Variants in RFX3 observed in about 807,000 individuals in gnomAD.
RFX3 encodes the protein regulatory factor X3, also known as transcription factor RFX3.
RFX3 carries 14 observed loss-of-function variants against 98.6 expected under a neutral mutation model. The observed-to-expected ratio is 0.14, with a 90% CI of 0.09 to 0.22. The LOEUF is 0.22. Ranked by LOEUF, RFX3 falls within the 10% of genes least tolerant of loss-of-function variation. The pLI is 1.00. For missense variants in RFX3, 639 were observed against 926.9 expected (o/e 0.69, Z 4.03); for synonymous variants, 383 against 328.4 (o/e 1.17, Z -1.80).
chr9:3,494,689 A>G (rs1365201489), intron 1 of RFX3, among the ~76,000 whole-genome samples: 1 of 152,212 alleles, frequency 6.6e-6, no homozygotes, highest in Non-Finnish European at 1.5e-5. Flanking sequence ...TAAATTATAA[A>G]ATAATCTAAA....
chr9:3,384,493 C>G (rs1342169031), intron 2 of RFX3, among the ~76,000 whole-genome samples: 1 of 152,068 alleles, frequency 6.6e-6, no homozygotes, highest in Non-Finnish European at 1.5e-5. Flanking sequence ...GTTTCCTCGC[C>G]CATAAAAGGC....
intron 4 of RFX3, among the ~76,000 whole-genome samples, chr9:3,325,008 G>A (rs1181277240): frequency 6.6e-6 from 1 of 151,860 alleles, no homozygotes; most frequent in Non-Finnish European, 1.5e-5. Context: ...GAGAGAACTT[G>A]GTAATACTGG....
chr9:3,290,274 A>G (rs1429297255), intron 6 of RFX3, among the ~76,000 whole-genome samples: 14 of 152,142 alleles, frequency 9.2e-5, no homozygotes, highest in Admixed American at 8.5e-4. Context: ...AGAACATCAG[A>G]AAGTAAAAGC....
At chr9:3,235,329 G>A (rs1818994227) in intron 15 of RFX3, among the ~76,000 whole-genome samples, 1 of 152,196 alleles carries the variant, frequency 6.6e-6, no homozygotes. Flanking sequence ...AGAAAGGACA[G>A]TACGATGTGT....
At chr9:3,239,220 T>C (rs1819590041) in intron 15 of RFX3, among the ~76,000 whole-genome samples, 1 of 152,222 alleles carries the variant, frequency 6.6e-6, no homozygotes, top group Non-Finnish European at 1.5e-5. Context: ...AGGAAAAGGT[T>C]GCTGACTTTA....
At chr9:3,482,808 C>T (rs1849902815) in intron 1 of RFX3, among the ~76,000 whole-genome samples, 2 of 151,986 alleles carry the variant, frequency 1.3e-5, no homozygotes, top group African/African-American at 4.8e-5. Flanking sequence ...TATTATATGT[C>T]TTTGAATAAC....
Position 3,226,809 on chromosome 9 carries a change from C to A in RFX3, c.2012-1529G>T, listed in dbSNP as rs112271939. ...GTTTTTATACATAAAACAACAATGT[C>A]TGTAAGGATCTTAACACAAACTCTT... On this transcript the variant is annotated intron_variant, in intron 16 of 16. Transcript: ENST00000617270. Among the ~76,000 whole-genome samples the A allele has an allele frequency of 9.9e-3, 1,508 of 152,244 alleles. 9 individuals carry two copies. The highest frequency in any genetic ancestry group is 0.014 in the African/African-American group (590 of 41,554).
chr9:3,228,330 G>T (rs1259057011), intron 16 of RFX3, among the ~76,000 whole-genome samples: 1 of 152,046 alleles, frequency 6.6e-6, no homozygotes, highest in South Asian at 2.1e-4. Flanking sequence ...ATATTAGAGT[G>T]GCAATGCTGA....
intron 1 of RFX3, among the ~76,000 whole-genome samples, chr9:3,497,676 C>T (rs1429604704): frequency 1.3e-5 from 2 of 151,514 alleles, no homozygotes; most frequent in Admixed American, 1.3e-4. Context: ...ACCACTTAAT[C>T]ACTGACAAAC....
intron 14 of RFX3, among the ~76,000 whole-genome samples, chr9:3,254,954 G>T (rs113586979): frequency 6.6e-6 from 1 of 152,108 alleles, no homozygotes; most frequent in African/African-American, 2.4e-5. Context: ...AATTATGTGG[G>T]CTAAAGGTGT....
At chr9:3,286,840 T>A (rs2131566249) in intron 7 of RFX3, among the ~76,000 whole-genome samples, 1 of 152,006 alleles carries the variant, frequency 6.6e-6, no homozygotes, top group South Asian at 2.1e-4. Context: ...ACCACAGACA[T>A]CATGGACTTC....
At chr9:3,288,104 C>A (rs1563865040) in intron 7 of RFX3, 27 bp downstream of exon 7, 4 of 1,610,968 alleles carry the variant, frequency 2.5e-6, no homozygotes, top group Non-Finnish European at 3.4e-6. Flanking sequence ...ATAGCTTGGA[C>A]ACATCAATGA....
intron 1 of RFX3, among the ~76,000 whole-genome samples, chr9:3,502,713 C>G (rs1192260690): frequency 6.6e-6 from 1 of 151,852 alleles, no homozygotes; most frequent in African/African-American, 2.4e-5. Flanking sequence ...TTTTTTTCCT[C>G]ACCCTTCCAT....
At chr9:3,383,523 T>A (rs990259494) in intron 2 of RFX3, among the ~76,000 whole-genome samples, 2 of 151,862 alleles carry the variant, frequency 1.3e-5, no homozygotes, top group African/African-American at 4.8e-5. Flanking sequence ...TGAAGTCAGA[T>A]GACTTGAGAA....
intron 2 of RFX3, among the ~76,000 whole-genome samples, chr9:3,381,340 A>G (rs1426063762): frequency 6.6e-6 from 1 of 152,126 alleles, no homozygotes; most frequent in Non-Finnish European, 1.5e-5. Context: ...AAAAAAATCA[A>G]TAAAAAGATT....
intron 2 of RFX3, among the ~76,000 whole-genome samples, chr9:3,378,633 T>C (rs1410703157): frequency 1.3e-5 from 2 of 149,800 alleles, no homozygotes; most frequent in African/African-American, 2.5e-5. Flanking sequence ...CTTGGCTCAC[T>C]GCAACCTCTG....
At chr9:3,516,322 A>G (rs957440801) in intron 1 of RFX3, among the ~76,000 whole-genome samples, 3 of 152,222 alleles carry the variant, frequency 2.0e-5, no homozygotes, top group African/African-American at 7.2e-5. Flanking sequence ...TGCTGGGATT[A>G]CAGGCATGAG....
Position 3,315,117 on chromosome 9 carries a change from G to C in RFX3, c.475-13497C>G, listed in dbSNP as rs576820370. On this transcript the variant is annotated intron_variant, in intron 4 of 16. Coordinates refer to ENST00000617270, the MANE Select transcript of RFX3 (RefSeq NM_001282116.2). ...CACTTATTCCAAAATTGACCACATA[G>C]TTGGAAGTAAAGCACTCCTCAGCAA... Among the ~76,000 whole-genome samples the C allele has an allele frequency of 1.5e-3, 233 of 152,130 alleles. 2 individuals carry two copies. Among genetic ancestry groups the C allele is most frequent in the South Asian group, 4.8e-3 (23 of 4,830 alleles).
chr9:3,278,658 C>T (rs901567175), intron 7 of RFX3, among the ~76,000 whole-genome samples: 2 of 151,826 alleles, frequency 1.3e-5, no homozygotes, highest in African/African-American at 4.8e-5. Flanking sequence ...ATCATACAAA[C>T]TAATGCTCAG....
Sources: gnomAD v4.1 joint callset for allele counts (sites outside exome capture counted in the v4.1 genomes callset) on GRCh38, gnomAD v4.1.1 for gene constraint, MANE v1.5 for transcripts, NCBI Gene and HGNC (gene_info 2026-07-23, HGNC 2026-07-21) for gene names.